RTN4: variants seen among roughly 807,000 people sequenced by gnomAD.
RTN4 encodes reticulon 4.
Under a neutral mutation model 90.4 loss-of-function variants are expected in RTN4, and 32 were observed. The observed-to-expected ratio is 0.35, with a 90% CI of 0.27 to 0.48. RTN4 has a LOEUF of 0.48. RTN4 is among the 20% of genes least tolerant of loss of function. RTN4 has a pLI of 0.99. For missense variants in RTN4, 1,706 were observed against 1,430.2 expected (o/e 1.19, Z -3.11); for synonymous variants, 629 against 552.5 (o/e 1.14, Z -1.94).
chr2:55,115,715 T>C (rs1311671232), upstream of RTN4, among the ~76,000 whole-genome samples: 1 of 152,230 alleles, frequency 6.6e-6, no homozygotes, highest in African/African-American at 2.4e-5. Context: ...AAAAGCATTC[T>C]GTCTAGCTCA....
At chr2:54,983,591 G>GCC (rs1303379171) in intron 4 of RTN4, among the ~76,000 whole-genome samples, 1 of 152,052 alleles carries the variant, frequency 6.6e-6, no homozygotes, top group Non-Finnish European at 1.5e-5. Context: ...TCTGCAACAT[G>GCC]CCCCAAATAT....
chr2:55,080,333 C>T (rs188176228), intron 2 of RTN4, among the ~76,000 whole-genome samples: 95 of 152,180 alleles, frequency 6.2e-4, no homozygotes, highest in Middle Eastern at 3.4e-3. Context: ...TTTGATGAAT[C>T]TCAAGAGAAA....
At chr2:55,082,264 G>A (rs1180437179) in intron 1 of RTN4, among the ~76,000 whole-genome samples, 1 of 152,172 alleles carries the variant, frequency 6.6e-6, no homozygotes, top group Non-Finnish European at 1.5e-5. Flanking sequence ...GTCTCCCTAA[G>A]CTCTTCCATA....
chr2:54,974,810 A>G, intron 5 of RTN4, 46 bp from the exon 6 acceptor site: 1 of 1,534,682 alleles, frequency 6.5e-7, no homozygotes, highest in Non-Finnish European at 9.0e-7. Flanking sequence ...ATTCAAGTAA[A>G]GTTTCTTAAT....
At chr2:55,031,092 C>T (rs1682279309) in intron 1 of RTN4, among the ~76,000 whole-genome samples, 1 of 152,120 alleles carries the variant, frequency 6.6e-6, no homozygotes, top group Non-Finnish European at 1.5e-5. Context: ...TATCTAATTA[C>T]AATACTACAA....
intron 1 of RTN4, among the ~76,000 whole-genome samples, chr2:55,088,724 AG>A (rs1438143071): frequency 2.0e-5 from 3 of 152,244 alleles, no homozygotes; most frequent in Non-Finnish European, 4.4e-5. Context: ...CAGAAAGAAA[AG>A]AATCTTCTGA....
intron 4 of RTN4, among the ~76,000 whole-genome samples, chr2:54,983,346 A>C (rs1678298105): frequency 6.6e-6 from 1 of 151,720 alleles, no homozygotes; most frequent in African/African-American, 2.4e-5. Context: ...TAAATAAATA[A>C]ATAAATAAAA....
At chr2:55,040,442 G>T (rs1682994163) in intron 1 of RTN4, among the ~76,000 whole-genome samples, 1 of 151,842 alleles carries the variant, frequency 6.6e-6, no homozygotes, top group African/African-American at 2.4e-5. Flanking sequence ...AAAAAAAGTT[G>T]TAACACTTTT....
chr2:55,058,875 T>A (rs1668238480), intron 2 of RTN4, among the ~76,000 whole-genome samples: 1 of 151,938 alleles, frequency 6.6e-6, no homozygotes, highest in Non-Finnish European at 1.5e-5. Context: ...AATTTTTTTT[T>A]TAAATTATAA....
upstream of RTN4, among the ~76,000 whole-genome samples, chr2:55,055,785 A>C (rs764673425): frequency 3.6e-4 from 55 of 151,850 alleles, no homozygotes; most frequent in Non-Finnish European, 5.2e-4. Flanking sequence ...AAAAAACAAA[A>C]AAAACAAAAA....
intron 8 of RTN4, 87 bp downstream of exon 8, chr2:54,973,476 C>A: frequency 1.9e-6 from 2 of 1,033,546 alleles, no homozygotes; most frequent in South Asian, 1.3e-5. Context: ...AGATTTGTTA[C>A]TCATTATGCC....
intron 1 of RTN4, among the ~76,000 whole-genome samples, chr2:55,093,537 C>G (rs75658717): frequency 6.6e-6 from 1 of 152,030 alleles, no homozygotes; most frequent in Non-Finnish European, 1.5e-5. Context: ...TAAGTGATTC[C>G]GCAGCATAGC....
chr2:54,985,785 T>C (rs1678512617), intron 4 of RTN4, among the ~76,000 whole-genome samples: 1 of 152,194 alleles, frequency 6.6e-6, no homozygotes, highest in Admixed American at 6.5e-5. Flanking sequence ...TAATATCAAC[T>C]GGATCATGTT....
the RTN4 span, among the ~76,000 whole-genome samples, chr2:55,128,593 G>C: frequency 3.3e-5 from 5 of 152,078 alleles, no homozygotes; most frequent in Non-Finnish European, 7.3e-5. Context: ...GGATAAGGAA[G>C]GCCTTCTTAA....
chr2:55,116,411 C>T (rs1451981500), upstream of RTN4, among the ~76,000 whole-genome samples: 3 of 152,140 alleles, frequency 2.0e-5, no homozygotes, highest in Admixed American at 2.0e-4. Flanking sequence ...GTTAAAATGC[C>T]TCCACACCAC....
intron 4 of RTN4, among the ~76,000 whole-genome samples, chr2:54,984,001 A>T (rs1271442613): frequency 6.6e-6 from 1 of 152,202 alleles, no homozygotes; most frequent in African/African-American, 2.4e-5. Flanking sequence ...TTTATGTTGC[A>T]GCCAGAAATG....
intron 2 of RTN4, among the ~76,000 whole-genome samples, chr2:55,071,543 C>CA (rs71410418): frequency 0.01 from 1,042 of 99,500 alleles, 48 homozygotes; most frequent in Middle Eastern, 0.041. Flanking sequence ...CATTTGCCAT[C>CA]AAAAAAAAAA....
chr2:54,978,560 T>TAAA (rs1394002967), intron 5 of RTN4, among the ~76,000 whole-genome samples: 2 of 152,144 alleles, frequency 1.3e-5, no homozygotes, highest in African/African-American at 4.8e-5. Flanking sequence ...GATACTTCTT[T>TAAA]CAAATTGTTG....
At chr2:55,071,488 A>G (rs1668511857) in intron 2 of RTN4, among the ~76,000 whole-genome samples, 1 of 141,508 alleles carries the variant, frequency 7.1e-6, no homozygotes, top group Non-Finnish European at 1.5e-5. Flanking sequence ...GCCCTTTTCT[A>G]CTTCTAACTA....
Sources: allele counts gnomAD v4.1 joint callset (sites outside exome capture counted in the v4.1 genomes callset), GRCh38; gene constraint gnomAD v4.1.1; transcripts MANE v1.5; gene names NCBI Gene and HGNC (gene_info 2026-07-23, HGNC 2026-07-21).